The following TIAM1 variants were observed in gnomAD, a reference collection of about 807,000 sequenced individuals.
TIAM1 encodes TIAM Rac1 associated GEF 1.
TIAM1 carries 65 observed loss-of-function variants against 163.5 expected under a neutral mutation model. The ratio of observed to expected loss-of-function variants is 0.40; its 90% CI spans 0.33 to 0.49. The LOEUF (loss-of-function observed/expected upper bound fraction) is 0.49. Among genes scored for constraint, TIAM1 ranks in the 20% least tolerant of loss-of-function variants. The probability of loss-of-function intolerance (pLI) is 0.77; values close to 1 mark genes in which losing one functional copy is unlikely to be tolerated. For missense variants in TIAM1, 1,789 were observed against 2,044.7 expected, an observed-to-expected ratio of 0.87 and a Z score of 2.41; for synonymous variants, 833 against 810.1, an observed-to-expected ratio of 1.03 and a Z score of -0.48.
chr21:31,175,913 T>C (rs543060552), intron 15 of TIAM1, among the ~76,000 whole-genome samples: 1 of 152,324 alleles, frequency 6.6e-6, no homozygotes, highest in South Asian at 2.1e-4. Context: ...AAACTTTTTT[T>C]TAAGAACTGT....
At chr21:31,148,949 A>ATTTTTTTTTT (rs2083254886) in intron 19 of TIAM1, among the ~76,000 whole-genome samples, 1 of 94,918 alleles carries the variant, frequency 1.1e-5, no homozygotes, top group African/African-American at 4.6e-5. Flanking sequence ...GATTTTAACA[A>ATTTTTTTTTT]GTTTTTCTTT....
intron 15 of TIAM1, among the ~76,000 whole-genome samples, chr21:31,165,466 T>C (rs2084164319): frequency 6.6e-6 from 1 of 152,026 alleles, no homozygotes; most frequent in African/African-American, 2.4e-5. Context: ...AAACCAGAGT[T>C]CGTTTTCTCT....
intron 7 of TIAM1, 44 bp from the exon 8 acceptor site, chr21:31,223,635 G>A (rs760627475): frequency 6.4e-7 from 1 of 1,550,670 alleles, no homozygotes; most frequent in Non-Finnish European, 8.7e-7. Context: ...GAGAAAATGG[G>A]AAACAAATGC....
intron 1 of TIAM1, among the ~76,000 whole-genome samples, chr21:31,540,708 T>A (rs1404475229): frequency 1.3e-5 from 2 of 152,236 alleles, no homozygotes; most frequent in African/African-American, 2.4e-5. Flanking sequence ...CAAAGACAGT[T>A]GTTCATAGTT....
At chr21:31,288,147 A>G (rs1441773997) in intron 2 of TIAM1, among the ~76,000 whole-genome samples, 1 of 152,156 alleles carries the variant, frequency 6.6e-6, no homozygotes, top group Non-Finnish European at 1.5e-5. Context: ...GCCACAATTC[A>G]CTCACAGTGA....
chr21:31,442,307 G>A (rs1325647558), intron 2 of TIAM1, among the ~76,000 whole-genome samples: 2 of 142,500 alleles, frequency 1.4e-5, no homozygotes, highest in African/African-American at 2.6e-5. Flanking sequence ...ATCTTGGCTC[G>A]CTGCAACCTC....
intron 20 of TIAM1, among the ~76,000 whole-genome samples, chr21:31,145,352 T>TA (rs1555865603): frequency 6.6e-6 from 1 of 152,204 alleles, no homozygotes; most frequent in Non-Finnish European, 1.5e-5. Context: ...GCAGCAAACA[T>TA]AAACACAAGA....
rs138822110 is a variant in TIAM1 at position 31,442,070 on chromosome 21, AATAT to A, written c.-369+21909_-369+21912del. On this transcript the variant is annotated intron_variant, in intron 2 of 28. Coordinates refer to the TIAM1 transcript ENST00000286827. ...GACCCTATCTCAGAACAAATAAATA[AATAT>A]ATATATATATATAGAACAATAAGGG... 4.1e-4 allele frequency among the ~76,000 whole-genome samples: 22 copies of A among 53,244 alleles called. 5 individuals are homozygous for A. The highest frequency in any genetic ancestry group is 1.7e-3 in the Admixed American group (8 of 4,622). The allele number at this position is 53,244 out of a possible 152,430, so 34.9% of individuals were successfully genotyped here. A position where few individuals can be genotyped will look rare whatever the true frequency, so the allele number is the denominator to read the frequency against.
At chr21:31,506,455 CT>C (rs1457080938) in intron 1 of TIAM1, among the ~76,000 whole-genome samples, 1 of 152,196 alleles carries the variant, frequency 6.6e-6, no homozygotes, top group Non-Finnish European at 1.5e-5. Flanking sequence ...CTCTTTCCAT[CT>C]TGCTAAACTG....
intron 8 of TIAM1, among the ~76,000 whole-genome samples, chr21:31,218,760 C>T (rs916387696): frequency 6.6e-6 from 1 of 152,092 alleles, no homozygotes; most frequent in Non-Finnish European, 1.5e-5. Context: ...ATTCTTTCCG[C>T]TATCCTATCT....
chr21:31,280,712 C>T lies in TIAM1; in HGVS notation c.-188-3804G>A, dbSNP rs142073614. ...TGTAATATTATTTAAGATGAAAATA[C>T]GGTGTCAGAAATACTGTGTCCACAG... On this transcript the variant is annotated intron_variant, in intron 2 of 27. Transcript: ENST00000541036. Among the ~76,000 whole-genome samples, 657 of 151,928 alleles carry T rather than the reference C, an allele frequency of 4.3e-3. 5 individuals are homozygous for T. The highest frequency in any genetic ancestry group is 0.015 in the African/African-American group (605 of 41,450).
In TIAM1 at chr21:31,248,603, T is replaced by C. The variant is rs566730510; in HGVS notation, c.1412-2943A>G. 4.6e-5 allele frequency among the ~76,000 whole-genome samples: 7 copies of C among 152,150 alleles called. No homozygotes were observed. The East Asian group carries it at 9.6e-4, about 21-fold the overall frequency. On this transcript the variant is annotated intron_variant, in intron 5 of 27. Transcript: ENST00000541036. ...ACTTTGCCTAATGGGAAAGAATCTTTAGGGAAAAAAAATCTCTATCCCACA... is the reference window on the plus strand; with the variant it reads ...ACTTTGCCTAATGGGAAAGAATCTTCAGGGAAAAAAAATCTCTATCCCACA...
intron 1 of TIAM1, among the ~76,000 whole-genome samples, chr21:31,521,806 AT>A (rs1041446491): frequency 1.3e-5 from 2 of 150,526 alleles, no homozygotes; most frequent in Admixed American, 6.6e-5. Flanking sequence ...AACTCTAATA[AT>A]TTTTTTTGTT....
intron 2 of TIAM1, among the ~76,000 whole-genome samples, chr21:31,305,514 A>T (rs1265832687): frequency 6.6e-6 from 1 of 152,010 alleles, no homozygotes; most frequent in Non-Finnish European, 1.5e-5. Flanking sequence ...TTCCACTGAT[A>T]GCTGCCCCTC....
chr21:31,298,985 C>T (rs983380887), intron 2 of TIAM1, among the ~76,000 whole-genome samples: 19 of 152,044 alleles, frequency 1.2e-4, no homozygotes, highest in African/African-American at 4.3e-4. Context: ...AGGCGTAGGG[C>T]GAACAGGAAC....
At chr21:31,433,900 C>T (rs918704430) in intron 2 of TIAM1, among the ~76,000 whole-genome samples, 6 of 152,038 alleles carry the variant, frequency 3.9e-5, no homozygotes, top group African/African-American at 9.7e-5. Flanking sequence ...CAGGCTCCAG[C>T]GATCCTCGCA....
In TIAM1 at chr21:31,332,311, G is replaced by A. The variant is rs1602001623; in HGVS notation, c.-189+6932C>T. On this transcript the variant is annotated intron_variant, in intron 2 of 27. Coordinates refer to ENST00000541036, the MANE Select transcript of TIAM1 (RefSeq NM_001353694.2). ...CTATCAAGCTAAAAGTTGAGTCTTG[G>A]TACATAATATCCATATTACAGGCTT... Among the ~76,000 whole-genome samples the A allele has an allele frequency of 1.3e-5, 2 of 152,206 alleles. 1 individual carries two copies. The highest frequency in any genetic ancestry group is 4.2e-4 in the South Asian group (2 of 4,814).
At position 31,210,262 on chromosome 21, in the gene TIAM1, A is replaced by G. The variant is rs184930002; in HGVS notation, c.2218-47T>C. The G allele has an allele frequency of 2.0e-4, 324 of 1,590,464 alleles. No homozygotes were observed. In the African/African-American group the frequency reaches 3.5e-3, roughly 17 times the overall value. ...GCAGGGCAGCAGCAGTGGAGCTCTG[A>G]CAACCCTAGATTCCCAGACTGCACA... On this transcript the variant is annotated intron_variant, in intron 10 of 27. Coordinates refer to ENST00000541036, the MANE Select transcript of TIAM1 (RefSeq NM_001353694.2).
At chr21:31,163,536 A>G (rs770847168) in intron 16 of TIAM1, among the ~76,000 whole-genome samples, 1 of 152,236 alleles carries the variant, frequency 6.6e-6, no homozygotes. Context: ...TTAAAAAGAC[A>G]CTGAGAATGA....
Sources: gnomAD v4.1 joint callset for allele counts (sites outside exome capture counted in the v4.1 genomes callset) on GRCh38, gnomAD v4.1.1 for gene constraint, MANE v1.5 for transcripts, NCBI Gene and HGNC (gene_info 2026-07-23, HGNC 2026-07-21) for gene names.